The following NRG3 variants were observed in gnomAD, a reference collection of about 807,000 sequenced individuals.
NRG3 encodes the protein pro-neuregulin-3, membrane-bound isoform.
Under a neutral mutation model 66.9 loss-of-function variants are expected in NRG3, and 31 were observed. That is an observed-to-expected ratio of 0.46 (90% confidence interval 0.35 to 0.63). NRG3 has a LOEUF of 0.63. NRG3 is among the 20% of genes least tolerant of loss of function. The pLI, the probability that NRG3 is intolerant of heterozygous loss-of-function variation, is 0.00. For synonymous variants in NRG3, 393 were observed against 359.4 expected (o/e 1.09, Z -1.06); for missense variants, 910 against 878.9 (o/e 1.04, Z -0.45).
At chr10:82,208,957 G>A (rs1339378407) in intron 1 of NRG3, among the ~76,000 whole-genome samples, 1 of 152,066 alleles carries the variant, frequency 6.6e-6, no homozygotes, top group Non-Finnish European at 1.5e-5. Context: ...GACTGCACCA[G>A]AATCTCTCTT....
chr10:82,367,001 C>T (rs1016323048), intron 2 of NRG3, among the ~76,000 whole-genome samples: 1 of 152,156 alleles, frequency 6.6e-6, no homozygotes. Flanking sequence ...ATAAGCAAGG[C>T]GTGTTCGACT....
intron 1 of NRG3, among the ~76,000 whole-genome samples, chr10:82,152,946 T>G (rs1298986359): frequency 6.6e-6 from 1 of 151,896 alleles, no homozygotes; most frequent in Non-Finnish European, 1.5e-5. Context: ...AATAATTGCA[T>G]GTATTAATGG....
intron 2 of NRG3, among the ~76,000 whole-genome samples, chr10:82,535,116 C>T (rs932418374): frequency 6.0e-5 from 9 of 150,110 alleles, no homozygotes; most frequent in Non-Finnish European, 1.3e-4. Flanking sequence ...GATCATGCCA[C>T]TGCACTCCAG....
chr10:82,447,880 TCA>T (rs1408559016), intron 2 of NRG3, among the ~76,000 whole-genome samples: 1 of 152,202 alleles, frequency 6.6e-6, no homozygotes, highest in Non-Finnish European at 1.5e-5. Flanking sequence ...CTCTTGATGT[TCA>T]CACTCATTCC....
intron 2 of NRG3, among the ~76,000 whole-genome samples, chr10:82,388,186 A>T (rs1589948003): frequency 1.7e-5 from 1 of 59,448 alleles, no homozygotes; most frequent in Non-Finnish European, 2.7e-5. Flanking sequence ...GAGATTCATT[A>T]AAAAACATTA....
intron 2 of NRG3, among the ~76,000 whole-genome samples, chr10:82,480,627 T>C (rs577760459): frequency 5.9e-5 from 9 of 152,344 alleles, no homozygotes; most frequent in African/African-American, 2.2e-4. Context: ...GGTCTGTTTG[T>C]GTTTTGCCAG....
At chr10:82,961,670 A>G (rs55682467) in intron 6 of NRG3, among the ~76,000 whole-genome samples, 2,263 of 152,292 alleles carry the variant, frequency 0.015, 29 homozygotes, top group Non-Finnish European at 0.02. Context: ...GGCGCTGATG[A>G]ACATCCTTCA....
chr10:82,132,459 G>T (rs57265493), intron 1 of NRG3, among the ~76,000 whole-genome samples: 2 of 110,644 alleles, frequency 1.8e-5, no homozygotes, highest in Admixed American at 1.0e-4. Flanking sequence ...ATATATATAT[G>T]ATATATATGA....
chr10:82,065,253 C>G (rs1298396805), intron 1 of NRG3, among the ~76,000 whole-genome samples: 1 of 152,114 alleles, frequency 6.6e-6, no homozygotes, highest in Non-Finnish European at 1.5e-5. Context: ...GCAGGAGATG[C>G]TTGTTATTAG....
chr10:82,332,495 G>A (rs2082184326), intron 1 of NRG3, among the ~76,000 whole-genome samples: 1 of 152,104 alleles, frequency 6.6e-6, no homozygotes, highest in Non-Finnish European at 1.5e-5. Flanking sequence ...CTGACCAGGG[G>A]AAGAAATCCT....
chr10:82,589,226 C>T (rs554847880), intron 2 of NRG3, among the ~76,000 whole-genome samples: 5 of 152,230 alleles, frequency 3.3e-5, no homozygotes, highest in Admixed American at 2.0e-4. Flanking sequence ...GAAATGGTAA[C>T]GAAAGCACAA....
At chr10:82,073,081 G>A (rs925662921) in intron 1 of NRG3, among the ~76,000 whole-genome samples, 5 of 151,464 alleles carry the variant, frequency 3.3e-5, no homozygotes, top group African/African-American at 1.2e-4. Flanking sequence ...GGCCTCTACT[G>A]TAGACACATC....
chr10:82,068,571 A>G (rs1589987409), intron 1 of NRG3, among the ~76,000 whole-genome samples: 1 of 152,340 alleles, frequency 6.6e-6, no homozygotes, highest in East Asian at 1.9e-4. Context: ...GAGGCACAGG[A>G]TGCTGTAAGA....
chr10:81,934,452 T>C (rs1388250497), intron 1 of NRG3, among the ~76,000 whole-genome samples: 2 of 152,198 alleles, frequency 1.3e-5, no homozygotes, highest in Non-Finnish European at 1.5e-5. Context: ...TGGTAATTGC[T>C]GTGACACACA....
At chr10:82,102,225 T>C (rs1200362991) in intron 1 of NRG3, among the ~76,000 whole-genome samples, 1 of 147,156 alleles carries the variant, frequency 6.8e-6, no homozygotes, top group Non-Finnish European at 1.5e-5. Flanking sequence ...TGGTCCTCAA[T>C]ATCCCTAGGA....
Position 82,542,892 on chromosome 10 carries a change from ATCTT to A in NRG3, c.953+184026_953+184029del, listed in dbSNP as rs578129066. Among the ~76,000 whole-genome samples, 1,046 of 133,666 alleles carry A rather than the reference ATCTT, an allele frequency of 7.8e-3. 7 individuals are homozygous for A. The highest frequency in any genetic ancestry group is 0.032 in the African/African-American group (989 of 30,924). 87.7% of individuals were successfully genotyped at this position (133,666 alleles called of 152,430 possible). ...ATTGTGATGCATGATCTTCATTTAGATCTTTTTTTTTTTTTTGAGAACGAGTTTT... is the reference window on the plus strand; with the variant it reads ...ATTGTGATGCATGATCTTCATTTAGATTTTTTTTTTTTGAGAACGAGTTTT... On this transcript the variant is annotated intron_variant, in intron 2 of 8. Coordinates refer to ENST00000372141, the MANE Select transcript of NRG3 (RefSeq NM_001010848.4).
intron 2 of NRG3, among the ~76,000 whole-genome samples, chr10:82,582,794 TAG>T: frequency 6.6e-6 from 1 of 152,150 alleles, no homozygotes; most frequent in African/African-American, 2.4e-5. Flanking sequence ...TACATTTATA[TAG>T]CATCATGGTC....
intron 1 of NRG3, among the ~76,000 whole-genome samples, chr10:81,963,681 C>T (rs142011020): frequency 2.0e-5 from 3 of 152,234 alleles, no homozygotes; most frequent in Non-Finnish European, 4.4e-5. Flanking sequence ...TTTTACACGA[C>T]GGGACACACG....
intron 1 of NRG3, among the ~76,000 whole-genome samples, chr10:81,879,433 G>T (rs1187140871): frequency 6.6e-6 from 1 of 152,184 alleles, no homozygotes; most frequent in Admixed American, 6.5e-5. Flanking sequence ...GTTGTACAAT[G>T]CTGCCAATGC....
Sources: allele counts gnomAD v4.1 joint callset (sites outside exome capture counted in the v4.1 genomes callset), GRCh38; gene constraint gnomAD v4.1.1; transcripts MANE v1.5; gene names NCBI Gene and HGNC (gene_info 2026-07-23, HGNC 2026-07-21).